Variants in NUDCD1 observed in about 807,000 individuals in gnomAD.
NUDCD1 encodes the protein NudC domain containing 1.
NUDCD1 carries 60 observed loss-of-function variants against 67.8 expected under a neutral mutation model. The observed-to-expected ratio is 0.88, with a 90% CI of 0.72 to 1.10. The LOEUF (loss-of-function observed/expected upper bound fraction) is 1.10, where lower values mean the gene tolerates loss of function less well. NUDCD1 is among the 50% of genes least tolerant of loss of function. NUDCD1 has a pLI of 0.00. For missense variants in NUDCD1, 643 were observed against 695.0 expected (o/e 0.93, Z 0.84); for synonymous variants, 244 against 230.8 (o/e 1.06, Z -0.52).
chr8:109,323,163 T>A (rs1375162805), intron 1 of NUDCD1, among the ~76,000 whole-genome samples: 2 of 152,154 alleles, frequency 1.3e-5, no homozygotes, highest in Admixed American at 6.5e-5. Flanking sequence ...TCAGAACTGC[T>A]CATGATCTGG....
rs768015515 is a variant in NUDCD1 at position 109,289,901 on chromosome 8, T to C, written c.673A>G (p.Ile225Val). 19 of 1,520,276 alleles carry C rather than the reference T, an allele frequency of 1.2e-5. No individual in the cohort carries two copies. Among genetic ancestry groups the C allele is most frequent in the Admixed American group, 2.3e-5 (1 of 43,112 alleles). The allele number at this position is 1,520,276 out of a possible 1,614,324, so 94.2% of individuals were successfully genotyped here. The change falls in exon 5 of 10, where the codon ATT (isoleucine) becomes GTT (valine). Residue 225 changes from isoleucine to valine, a missense_variant. Coordinates refer to ENST00000239690, the MANE Select transcript of NUDCD1 (RefSeq NM_032869.4). ...NKKYEIIKRDILRGKSVPHYA... is the reference protein window; with the variant it reads ...NKKYEIIKRDVLRGKSVPHYA... ...TGTGGCACTGACTTTCCACGGAGAA[T>C]ATCACGCTTAATAATTTCATATTTT...
chr8:109,282,094 T>C (rs551621688), intron 5 of NUDCD1, among the ~76,000 whole-genome samples: 17 of 152,228 alleles, frequency 1.1e-4, no homozygotes, highest in African/African-American at 3.9e-4. Flanking sequence ...GCCAGGTAGA[T>C]TCTCCCTCAG....
At position 109,303,517 on chromosome 8, in the gene NUDCD1, A is replaced by G. The variant is rs1254292329; in HGVS notation, c.274-6948T>C. Reference sequence around the variant, plus strand: ...CTCTCATGCCAATTTGGACAACATTATTTTATGCACTCCTTGTTAGTTATC... The same window carrying G: ...CTCTCATGCCAATTTGGACAACATTGTTTTATGCACTCCTTGTTAGTTATC... On this transcript the variant is annotated intron_variant, in intron 2 of 9. Coordinates refer to ENST00000239690, the MANE Select transcript of NUDCD1 (RefSeq NM_032869.4). Among the ~76,000 whole-genome samples, 9 of 152,134 alleles carry G rather than the reference A, an allele frequency of 5.9e-5. No individual in the cohort carries two copies. The East Asian group carries it at 1.7e-3, about 29-fold the overall frequency.
At chr8:109,281,248 G>A (rs974254430) in intron 5 of NUDCD1, 76 bp from the exon 6 acceptor site, 2 of 895,358 alleles carry the variant, frequency 2.2e-6, no homozygotes, top group Non-Finnish European at 3.5e-6. Context: ...CTATCTAAAA[G>A]AATTTTAGTA....
rs556829685 is a variant in NUDCD1, at chr8:109,302,576, C to G, written c.274-6007G>C. Among the ~76,000 whole-genome samples, 223 of 152,286 alleles carry G rather than the reference C, an allele frequency of 1.5e-3. 2 individuals are homozygous for G. Among genetic ancestry groups the G allele is most frequent in the Non-Finnish European group, 2.6e-4 (18 of 68,026 alleles). Reference sequence around the variant, plus strand: ...CTCCTATTACCTCCCCTCCTTACACCAGGTCTGGCTTAGTTTCGTTCTGTG... The same window carrying G: ...CTCCTATTACCTCCCCTCCTTACACGAGGTCTGGCTTAGTTTCGTTCTGTG... On this transcript the variant is annotated intron_variant, in intron 2 of 9. Transcript: ENST00000239690.
chr8:109,333,997 G>C lies in NUDCD1; in HGVS notation c.14C>G (p.Ala5Gly). 1 of 1,614,198 alleles carries C rather than the reference G, an allele frequency of 6.2e-7. No individual in the cohort carries two copies. The highest frequency in any genetic ancestry group is 1.1e-5 in the South Asian group (1 of 91,086). Residue 5 changes from alanine to glycine, a missense_variant, in exon 1 of 10, where the codon GCT becomes GGT. Coordinates refer to ENST00000239690, the MANE Select transcript of NUDCD1 (RefSeq NM_032869.4). ...TCTCTTCACCCGTAGGGAGCAATTA[G>C]CCGCCACCTCCATCGCTTTCCAGGG... MEVAANCSLRVKRPL... is the reference protein window; with the variant it reads MEVAGNCSLRVKRPL...
At chr8:109,273,531 G>A (rs1456511645) in intron 7 of NUDCD1, among the ~76,000 whole-genome samples, 15 of 151,790 alleles carry the variant, frequency 9.9e-5, no homozygotes, top group Admixed American at 9.9e-4. Context: ...TATATCCCCG[G>A]TAAACAAAAG....
At chr8:109,268,482 C>A (rs1408315661) in intron 8 of NUDCD1, among the ~76,000 whole-genome samples, 1 of 152,062 alleles carries the variant, frequency 6.6e-6, no homozygotes, top group Non-Finnish European at 1.5e-5. Flanking sequence ...AATTAACATG[C>A]TCAAACATAG....
intron 9 of NUDCD1, among the ~76,000 whole-genome samples, 179 bp downstream of exon 9, chr8:109,245,143 T>C (rs1341560707): frequency 1.3e-5 from 2 of 152,120 alleles, no homozygotes; most frequent in African/African-American, 4.8e-5. Flanking sequence ...AACAGATTAG[T>C]CTAAATGTTC....
chr8:109,243,353 G>T, intron 9 of NUDCD1, 52 bp from the exon 10 acceptor site: 1 of 1,371,988 alleles, frequency 7.3e-7, no homozygotes, highest in Non-Finnish European at 9.9e-7. Context: ...AAACAGAAGG[G>T]GAAAAATGAT....
intron 1 of NUDCD1, among the ~76,000 whole-genome samples, chr8:109,333,273 T>G (rs190808060): frequency 3.9e-5 from 6 of 152,234 alleles, no homozygotes; most frequent in Admixed American, 2.0e-4. Context: ...GAAAATGCCG[T>G]TAAGTTGTAA....
At chr8:109,304,496 C>G (rs1004131810) in intron 2 of NUDCD1, among the ~76,000 whole-genome samples, 2 of 152,208 alleles carry the variant, frequency 1.3e-5, no homozygotes, top group African/African-American at 4.8e-5. Context: ...CCACCCTCCA[C>G]TACCTCTCAG....
chr8:109,243,278 C>T lies in NUDCD1; in HGVS notation c.1483G>A (p.Asp495Asn), dbSNP rs972406833. 3 of 1,600,156 alleles carry T rather than the reference C, an allele frequency of 1.9e-6. No homozygotes were observed. In the African/African-American group the frequency reaches 4.0e-5, roughly 21 times the overall value. Residue 495 changes from aspartate (D) to asparagine (N), a missense_variant, in exon 10 of 10, where the codon GAC (aspartate) becomes AAC (asparagine). Physicochemically the swap from Asp to Asn is conservative, Grantham distance 23. Transcript: ENST00000239690. ...ALGYVQASKRDKKFFACAPNY... is the reference protein window; with the variant it reads ...ALGYVQASKRNKKFFACAPNY... The stretch of plus-strand genomic sequence containing the variant: ...GGAGCACAGGCAAAAAATTTTTTGT[C>T]TCTCTTTGATGCTTGGACATAGCCT...
At position 109,267,358 on chromosome 8, in the gene NUDCD1, G is replaced by GA. The variant is rs1455239014; in HGVS notation, c.1299+3646dup. ...GTACTCAGTATTTAGGATCTCACAC[G>GA]AGTCAGAATGGCCATTATTAAAAAG... On this transcript the variant is annotated intron_variant, in intron 8 of 9. Transcript: ENST00000239690. Among the ~76,000 whole-genome samples the GA allele has an allele frequency of 1.1e-4, 17 of 152,232 alleles. No individual in the cohort carries two copies. In the South Asian group the frequency reaches 3.5e-3, roughly 31 times the overall value.
chr8:109,320,048 G>A (rs893047180), intron 2 of NUDCD1, among the ~76,000 whole-genome samples: 1 of 152,160 alleles, frequency 6.6e-6, no homozygotes, highest in Non-Finnish European at 1.5e-5. Context: ...AGTTTACAAG[G>A]TAATAGAATA....
chr8:109,317,829 G>A (rs890043146), intron 2 of NUDCD1, among the ~76,000 whole-genome samples: 12 of 152,040 alleles, frequency 7.9e-5, no homozygotes, highest in Non-Finnish European at 1.3e-4. Context: ...TTGCTTTAAC[G>A]TCTAAAAAAC....
At chr8:109,274,316 C>A (rs573394384) in intron 7 of NUDCD1, among the ~76,000 whole-genome samples, 29 of 152,262 alleles carry the variant, frequency 1.9e-4, no homozygotes, top group African/African-American at 7.0e-4. Context: ...GCATAAATAA[C>A]TTTCTCATAA....
intron 6 of NUDCD1, among the ~76,000 whole-genome samples, chr8:109,278,977 G>A (rs1023409035): frequency 2.0e-5 from 3 of 152,056 alleles, no homozygotes; most frequent in Non-Finnish European, 2.9e-5. Flanking sequence ...TCAGGAGTTC[G>A]AGACCAGTCT....
At chr8:109,248,916 C>T (rs1813561394) in intron 8 of NUDCD1, among the ~76,000 whole-genome samples, 1 of 152,086 alleles carries the variant, frequency 6.6e-6, no homozygotes, top group South Asian at 2.1e-4. Flanking sequence ...TGTTGCATAT[C>T]CTGTCCATTA....
Sources: gnomAD v4.1 joint callset for allele counts (sites outside exome capture counted in the v4.1 genomes callset) on GRCh38, gnomAD v4.1.1 for gene constraint, MANE v1.5 for transcripts, NCBI Gene and HGNC (gene_info 2026-07-23, HGNC 2026-07-21) for gene names.